The following ADGRB1 variants were observed in gnomAD, a reference collection of about 807,000 sequenced individuals.
ADGRB1 encodes the protein adhesion G protein-coupled receptor B1, also known as brain-specific angiogenesis inhibitor 1.
A neutral mutation model predicts 175.7 loss-of-function variants in ADGRB1; 36 were observed. The ratio of observed to expected loss-of-function variants is 0.20; its 90% confidence interval spans 0.16 to 0.27. ADGRB1 has a LOEUF of 0.27. ADGRB1 is among the 10% of genes least tolerant of loss of function. ADGRB1 has a pLI of 1.00. For synonymous variants in ADGRB1, 1,054 were observed against 979.4 expected, an observed-to-expected ratio of 1.08 and a Z score of -1.42; for missense variants, 1,731 against 2,255.3, an observed-to-expected ratio of 0.77 and a Z score of 4.71.
intron 2 of ADGRB1, among the ~76,000 whole-genome samples, chr8:142,465,285 G>A (rs1218317334): frequency 6.6e-6 from 1 of 152,210 alleles, no homozygotes; most frequent in African/African-American, 2.4e-5. Context: ...GGCGGGTGCT[G>A]GTTGAGCATT....
At chr8:142,508,380 A>T (rs1842936311) in intron 17 of ADGRB1, among the ~76,000 whole-genome samples, 1 of 152,084 alleles carries the variant, frequency 6.6e-6, no homozygotes, top group African/African-American at 2.4e-5. Context: ...GTGCACCTGA[A>T]TGAGACCTTG....
At chr8:142,466,521 T>TG (rs1840285378) in intron 2 of ADGRB1, among the ~76,000 whole-genome samples, 1 of 151,962 alleles carries the variant, frequency 6.6e-6, no homozygotes, top group African/African-American at 2.4e-5. Flanking sequence ...CCCTGGGCAG[T>TG]GGGGGGCCAG....
chr8:142,482,556 ATG>A, intron 11 of ADGRB1, among the ~76,000 whole-genome samples: 3 of 148,940 alleles, frequency 2.0e-5, no homozygotes, highest in East Asian at 4.1e-4. Context: ...GATCCTGGTC[ATG>A]CTGAGCCCTG....
chr8:142,469,166 T>TGC (rs1840449145), intron 2 of ADGRB1, among the ~76,000 whole-genome samples: 2 of 100,540 alleles, frequency 2.0e-5, no homozygotes, highest in South Asian at 6.8e-4. Context: ...CATGTGTGTG[T>TGC]GTGTGCATGT....
Position 142,464,728 on chromosome 8 carries a change from G to A in ADGRB1, c.530G>A (p.Gly177Glu), listed in dbSNP as rs1433983182. Residue 177 changes from glycine to glutamate, a missense_variant, in exon 2 of 31, where the codon GGG (glycine) becomes GAG (glutamate). Gly to Glu is a moderately conservative substitution (Grantham distance 98). Around this residue, in one of 8 missense-constraint regions of ADGRB1, gnomAD observed 383 missense variants for 383.1 expected, o/e 1.00. Coordinates refer to ENST00000517894, the MANE Select transcript of ADGRB1 (RefSeq NM_001702.3). ...DDFSVEYLVVGNRNPSRAACQ... is the reference protein window; with the variant it reads ...DDFSVEYLVVENRNPSRAACQ... ...TTCTCCGTGGAGTACCTGGTGGTGG[G>A]GAACCGCAACCCCAGCCGTGCCGCC... is the stretch of plus-strand genomic sequence containing the variant. 8 of 1,533,840 alleles carry A rather than the reference G, an allele frequency of 5.2e-6. No individual in the cohort carries two copies. The highest frequency in any genetic ancestry group is 1.7e-4 in the Middle Eastern group (1 of 5,844).
chr8:142,501,893 G>A (rs1842578012), intron 17 of ADGRB1, among the ~76,000 whole-genome samples: 1 of 42,816 alleles, frequency 2.3e-5, no homozygotes, highest in African/African-American at 1.5e-4. Flanking sequence ...TGATGGTGAG[G>A]GTGATGTGGT....
chr8:142,451,384 T>C (rs10102579), intron 1 of ADGRB1, among the ~76,000 whole-genome samples: 33,026 of 151,840 alleles, frequency 0.22, 4,624 homozygotes, highest in African/African-American at 0.39. Context: ...CGCAGGCGCC[T>C]AGGCTGGGAC....
Position 142,455,321 on chromosome 8 carries a change from C to A in ADGRB1, c.-220+5217C>A, listed in dbSNP as rs1839607259. Among the ~76,000 whole-genome samples, 1 of 152,118 alleles carries A rather than the reference C, an allele frequency of 6.6e-6. No homozygotes were observed. Among genetic ancestry groups the A allele is most frequent in the African/African-American group, 2.4e-5 (1 of 41,418 alleles). ...GCATGATCGCTGTCACCTTGGCCCC[C>A]ACCTTAGGCTCCTGTCCCCTTCACT... On this transcript the variant is annotated intron_variant, in intron 1 of 30. Coordinates refer to ENST00000517894, the MANE Select transcript of ADGRB1 (RefSeq NM_001702.3). This position sits in a 1 kb window ranked among gnomAD's most constrained non-coding sequence, Gnocchi z 4.9.
At position 142,465,652 on chromosome 8, in the gene ADGRB1, C is replaced by T. The variant is rs186826309; in HGVS notation, c.784+670C>T. Among the ~76,000 whole-genome samples, 169 of 152,210 alleles carry T rather than the reference C, an allele frequency of 1.1e-3. 2 individuals carry two copies. In the East Asian group the frequency reaches 0.027, roughly 24 times the overall value. ...AAGGGAGAGAGGAAGGCCCTAAGCA[C>T]GAAGACACGAGCAGCCAGGCCTCAG... On this transcript the variant is annotated intron_variant, in intron 2 of 30. Transcript: ENST00000517894.
rs974161525 is a variant in ADGRB1, at chr8:142,450,480, A to T, written c.-220+376A>T. ...AGGCTGGGGAGGGCGTTCCCGCTGT[A>T]CCCCCAGCACACACAGACGCTGGCG... On this transcript the variant is annotated intron_variant, in intron 1 of 30. Coordinates refer to ENST00000517894, the MANE Select transcript of ADGRB1 (RefSeq NM_001702.3). 2.8e-4 allele frequency among the ~76,000 whole-genome samples: 42 copies of T among 151,906 alleles called. 1 individual carries two copies. Among genetic ancestry groups the T allele is most frequent in the Non-Finnish European group, 5.7e-4 (39 of 67,932 alleles).
chr8:142,516,181 G>A (rs28461973), intron 18 of ADGRB1, among the ~76,000 whole-genome samples: 1,672 of 150,270 alleles, frequency 0.011, 26 homozygotes, highest in African/African-American at 0.038. Context: ...CCCCAGGTGC[G>A]TGCGTGTGTG....
chr8:142,500,226 C>T (rs1389411897), intron 17 of ADGRB1, among the ~76,000 whole-genome samples: 2 of 136,176 alleles, frequency 1.5e-5, no homozygotes, highest in East Asian at 2.4e-4. Flanking sequence ...CCCCCCGCGC[C>T]GCTCCTCCAC....
chr8:142,472,119 CCAG>C (rs1840705971), intron 2 of ADGRB1, among the ~76,000 whole-genome samples: 1 of 152,198 alleles, frequency 6.6e-6, no homozygotes, highest in Non-Finnish European at 1.5e-5. Context: ...CAGCTCTCCT[CCAG>C]AGAACAGCCC....
chr8:142,468,478 G>A (rs758496667), intron 2 of ADGRB1, among the ~76,000 whole-genome samples: 6 of 152,146 alleles, frequency 3.9e-5, no homozygotes, highest in East Asian at 1.9e-4. Context: ...GAGACAGTTC[G>A]GACCCTAGTG....
intron 23 of ADGRB1, among the ~76,000 whole-genome samples, chr8:142,526,139 T>C (rs1361785241): frequency 6.6e-6 from 1 of 151,642 alleles, no homozygotes; most frequent in Admixed American, 6.6e-5. Flanking sequence ...AGGAAGGAAG[T>C]CTAGAGAGAG....
In ADGRB1 at chr8:142,513,080, G is replaced by A. The variant is rs550869293; in HGVS notation, c.2817+2007G>A. Among the ~76,000 whole-genome samples the A allele has an allele frequency of 4.6e-5, 7 of 152,340 alleles. No individual in the cohort carries two copies. The East Asian group carries it at 1.4e-3, about 29-fold the overall frequency. On this transcript the variant is annotated intron_variant, in intron 18 of 30. Transcript: ENST00000517894. ...GTGTTAGCCCAGCCCACGCACACTG[G>A]TGTTCACAGGGCAGGATGCCAGCAG...
At chr8:142,498,952 CCTCT>C (rs937842057) in intron 17 of ADGRB1, among the ~76,000 whole-genome samples, 5 of 152,154 alleles carry the variant, frequency 3.3e-5, no homozygotes, top group Non-Finnish European at 7.4e-5. Flanking sequence ...GGGGCCCCAG[CCTCT>C]CTCTCCCTCT....
In ADGRB1 at chr8:142,511,196, C is replaced by T. The variant is rs1288231754; in HGVS notation, c.2817+123C>T. 6.0e-6 allele frequency: 5 copies of T among 836,014 alleles called. No individual in the cohort carries two copies. The South Asian group carries it at 1.6e-4, about 27-fold the overall frequency. The allele number at this position is 836,014 out of a possible 1,614,324, so 51.8% of individuals were successfully genotyped here. ...GTCCCGGAGGGGTCGCTGTGGCCCG[C>T]AGCCGCCGTGGCCTGGCCCGGCCGG... is the stretch of plus-strand genomic sequence containing the variant. On this transcript the variant is annotated intron_variant, in intron 18 of 30. Coordinates refer to ENST00000517894, the MANE Select transcript of ADGRB1 (RefSeq NM_001702.3). This position sits in a 1 kb window ranked among gnomAD's most constrained non-coding sequence, Gnocchi z 4.5.
At position 142,458,574 on chromosome 8, in the gene ADGRB1, T is replaced by C. The variant is rs184075431; in HGVS notation, c.-219-5406T>C. 1.1e-3 allele frequency among the ~76,000 whole-genome samples: 172 copies of C among 152,278 alleles called. 1 individual carries two copies. Among genetic ancestry groups the C allele is most frequent in the Non-Finnish European group, 1.6e-3 (110 of 68,014 alleles). On this transcript the variant is annotated intron_variant, in intron 1 of 30. Transcript: ENST00000517894. ...ACTCTGCTTCCCGGCCCAGCGTGGC[T>C]AGCTCCTGCTGCCCCACCTCTCTGG...
Sources: allele counts gnomAD v4.1 joint callset (sites outside exome capture counted in the v4.1 genomes callset), GRCh38; gene constraint gnomAD v4.1.1; regional missense constraint gnomAD v4.1.1; non-coding constraint Gnocchi (gnomAD v3.1); transcripts MANE v1.5; gene names NCBI Gene and HGNC (gene_info 2026-07-23, HGNC 2026-07-21).